Variants in MYT1L observed in about 807,000 individuals in gnomAD.
The protein encoded by MYT1L is myelin transcription factor 1 like.
Under a neutral mutation model 126.7 loss-of-function variants are expected in MYT1L, and 12 were observed. That is an observed-to-expected ratio of 0.09 (90% CI 0.06 to 0.15). The LOEUF (loss-of-function observed/expected upper bound fraction) is 0.15. MYT1L is among the 10% of genes least tolerant of loss of function. MYT1L has a pLI of 1.00. For synonymous variants in MYT1L, 541 were observed against 604.2 expected, an observed-to-expected ratio of 0.90 and a Z score of 1.53; for missense variants, 979 against 1,585.2, an observed-to-expected ratio of 0.62 and a Z score of 6.49.
At chr2:2,254,505 G>A (rs2149242594) in intron 2 of MYT1L, among the ~76,000 whole-genome samples, 1 of 152,328 alleles carries the variant, frequency 6.6e-6, no homozygotes, top group South Asian at 2.1e-4. Flanking sequence ...TGCCGTGGTG[G>A]CCTCCATGCT....
At chr2:1,835,859 G>A (rs954967923) in intron 21 of MYT1L, among the ~76,000 whole-genome samples, 1 of 152,198 alleles carries the variant, frequency 6.6e-6, no homozygotes, top group Non-Finnish European at 1.5e-5. Flanking sequence ...GCTCCAGCAG[G>A]AGCCGCCCCT....
At chr2:1,927,096 G>A in intron 9 of MYT1L, among the ~76,000 whole-genome samples, 1 of 152,180 alleles carries the variant, frequency 6.6e-6, no homozygotes, top group Non-Finnish European at 1.5e-5. Flanking sequence ...GTGAGCGGGG[G>A]CCAGCCTGGG....
intron 4 of MYT1L, among the ~76,000 whole-genome samples, chr2:2,022,639 A>G (rs192302793): frequency 1.3e-5 from 2 of 152,218 alleles, no homozygotes; most frequent in East Asian, 3.9e-4. Flanking sequence ...GGCCTCTTCC[A>G]AGTGTACTTT....
chr2:2,317,052 C>T (rs763987587), intron 1 of MYT1L, among the ~76,000 whole-genome samples: 12 of 151,836 alleles, frequency 7.9e-5, no homozygotes, highest in East Asian at 1.9e-4. Context: ...CTCCTGACCT[C>T]GTGATCCGCC....
At chr2:2,123,972 C>T (rs1244860352) in intron 3 of MYT1L, among the ~76,000 whole-genome samples, 1 of 152,240 alleles carries the variant, frequency 6.6e-6, no homozygotes, top group Non-Finnish European at 1.5e-5. Flanking sequence ...TCCAGGAACA[C>T]AGCCCTGCAG....
chr2:1,898,527 C>T (rs2049915512), intron 14 of MYT1L, among the ~76,000 whole-genome samples: 1 of 152,238 alleles, frequency 6.6e-6, no homozygotes, highest in Non-Finnish European at 1.5e-5. Context: ...GGCACAGCTA[C>T]TGCCTGCCTG....
chr2:1,860,075 G>A (rs1223571551), intron 18 of MYT1L, among the ~76,000 whole-genome samples: 3 of 152,156 alleles, frequency 2.0e-5, no homozygotes, highest in Admixed American at 2.0e-4. Context: ...TGCTGCCCTC[G>A]TTGCCAACAC....
At chr2:2,140,417 T>G (rs1473700300) in intron 3 of MYT1L, among the ~76,000 whole-genome samples, 1 of 149,944 alleles carries the variant, frequency 6.7e-6, no homozygotes, top group African/African-American at 2.5e-5. Flanking sequence ...GTCTTTATTT[T>G]TTTTCTTTCT....
rs147847938 is a variant in MYT1L, at chr2:2,090,607, C to T, written c.-303-36484G>A. Among the ~76,000 whole-genome samples, 119 of 152,186 alleles carry T rather than the reference C, an allele frequency of 7.8e-4. 1 individual carries two copies. Among genetic ancestry groups the T allele is most frequent in the Non-Finnish European group, 1.3e-3 (89 of 68,002 alleles). ...GTGGCAATTTCTTTAAATAAGGCAA[C>T]GATGAAGTTTTCCATATCTATTGGA... On this transcript the variant is annotated intron_variant, in intron 3 of 24. Transcript: ENST00000647738.
At chr2:2,169,436 T>C (rs1006582200) in intron 3 of MYT1L, among the ~76,000 whole-genome samples, 5 of 152,216 alleles carry the variant, frequency 3.3e-5, no homozygotes, top group African/African-American at 9.7e-5. Context: ...CTAAATCACA[T>C]ATGATACAGA....
At chr2:2,250,751 C>A (rs1240381607) in intron 2 of MYT1L, among the ~76,000 whole-genome samples, 2 of 151,962 alleles carry the variant, frequency 1.3e-5, no homozygotes, top group Non-Finnish European at 1.5e-5. Flanking sequence ...CATGCCTGTA[C>A]CAAAATATCT....
intron 3 of MYT1L, among the ~76,000 whole-genome samples, chr2:2,163,816 T>G (rs2088500796): frequency 6.6e-6 from 1 of 151,954 alleles, no homozygotes; most frequent in Non-Finnish European, 1.5e-5. Flanking sequence ...AAGATCTGAA[T>G]GGATTCTTTG....
chr2:1,802,410 G>A, intron 22 of MYT1L, among the ~76,000 whole-genome samples: 1 of 152,198 alleles, frequency 6.6e-6, no homozygotes, highest in East Asian at 1.9e-4. Flanking sequence ...GCTGGCCGGA[G>A]GGAGATGGCC....
intron 14 of MYT1L, among the ~76,000 whole-genome samples, chr2:1,902,417 G>A (rs59985878): frequency 5.9e-5 from 9 of 152,268 alleles, no homozygotes; most frequent in African/African-American, 2.2e-4. Flanking sequence ...TTGCCCCATC[G>A]TCCCCAGTCA....
chr2:1,881,695 G>C lies in MYT1L; in HGVS notation c.2711+4844C>G, dbSNP rs1046634200. Among the ~76,000 whole-genome samples, 4 of 152,220 alleles carry C rather than the reference G, an allele frequency of 2.6e-5. No homozygotes were observed. In the South Asian group the frequency reaches 8.3e-4, roughly 32 times the overall value. ...CAGGGATGTGGCACAGTGCTGGGGA[G>C]GTGGCCACCACTGGGCGGGTCTCAG... On this transcript the variant is annotated intron_variant, in intron 18 of 24. Transcript: ENST00000647738.
At chr2:2,099,934 T>C (rs1294125661) in intron 3 of MYT1L, among the ~76,000 whole-genome samples, 1 of 152,228 alleles carries the variant, frequency 6.6e-6, no homozygotes, top group South Asian at 2.1e-4. Flanking sequence ...GAAAGACTTA[T>C]GATTGACAGA....
At position 2,139,346 on chromosome 2, in the gene MYT1L, G is replaced by C. The variant is rs142338265; in HGVS notation, c.-304+33526C>G. Among the ~76,000 whole-genome samples the C allele has an allele frequency of 1.1e-3, 174 of 152,192 alleles. 1 individual carries two copies. The highest frequency in any genetic ancestry group is 3.6e-3 in the African/African-American group (148 of 41,530). The stretch of plus-strand genomic sequence containing the variant: ...ATGAATGTGCATGTCCAGGCCAGGC[G>C]TGGTGGCTCACACCTGCAATCCTGG... On this transcript the variant is annotated intron_variant, in intron 3 of 24. Coordinates refer to ENST00000647738, the MANE Select transcript of MYT1L (RefSeq NM_001303052.2).
chr2:2,186,917 A>T (rs1443790555), intron 2 of MYT1L, among the ~76,000 whole-genome samples: 1 of 152,228 alleles, frequency 6.6e-6, no homozygotes, highest in African/African-American at 2.4e-5. Flanking sequence ...TGTGTGCAAT[A>T]TCATCTTCTG....
At chr2:2,075,559 A>C (rs1245875001) in intron 3 of MYT1L, among the ~76,000 whole-genome samples, 1 of 152,228 alleles carries the variant, frequency 6.6e-6, no homozygotes, top group African/African-American at 2.4e-5. Context: ...GCCACATGTC[A>C]TTGTAAGTAC....
Sources: allele counts gnomAD v4.1 joint callset (sites outside exome capture counted in the v4.1 genomes callset), GRCh38; gene constraint gnomAD v4.1.1; transcripts MANE v1.5; gene names NCBI Gene and HGNC (gene_info 2026-07-23, HGNC 2026-07-21).